Variants in SPAG16 observed in about 807,000 individuals in gnomAD.
SPAG16 encodes the protein sperm-associated antigen 16 protein.
In SPAG16, 86 loss-of-function variants were observed where a neutral mutation model predicts 80.4. The observed-to-expected ratio is 1.07, with a 90% CI of 0.90 to 1.28. The LOEUF is 1.28. SPAG16 is among the 50% of genes most tolerant of loss of function. The pLI is 0.00. For synonymous variants in SPAG16, 294 were observed against 265.9 expected (o/e 1.11, Z -1.03); for missense variants, 870 against 765.3 (o/e 1.14, Z -1.61).
At chr2:213,829,351 G>A (rs2073490280) in intron 10 of SPAG16, among the ~76,000 whole-genome samples, 1 of 152,070 alleles carries the variant, frequency 6.6e-6, no homozygotes, top group Non-Finnish European at 1.5e-5. Flanking sequence ...TCATCGGTAA[G>A]CCTGTGGTGA....
chr2:213,840,394 C>T (rs977405223), intron 10 of SPAG16, among the ~76,000 whole-genome samples: 2 of 152,092 alleles, frequency 1.3e-5, no homozygotes, highest in Non-Finnish European at 2.9e-5. Context: ...TAGAAACTTT[C>T]CCCCTCCCAC....
intron 13 of SPAG16, among the ~76,000 whole-genome samples, chr2:214,014,811 T>A (rs2047502393): frequency 6.6e-6 from 1 of 152,134 alleles, no homozygotes; most frequent in Non-Finnish European, 1.5e-5. Context: ...GGTGACATAA[T>A]CGGATTTACC....
intron 11 of SPAG16, among the ~76,000 whole-genome samples, chr2:213,889,056 G>C (rs2076676524): frequency 6.6e-6 from 1 of 151,722 alleles, no homozygotes; most frequent in African/African-American, 2.4e-5. Context: ...TTTTTTTAAA[G>C]GCCATATTGT....
At chr2:213,352,112 G>A (rs1372550205) in intron 7 of SPAG16, among the ~76,000 whole-genome samples, 1 of 151,060 alleles carries the variant, frequency 6.6e-6, no homozygotes, top group Non-Finnish European at 1.5e-5. Context: ...TAAATTTCAT[G>A]AGGACTCCCC....
chr2:213,856,138 AT>A (rs1386449560), intron 10 of SPAG16, among the ~76,000 whole-genome samples: 1 of 152,120 alleles, frequency 6.6e-6, no homozygotes, highest in Non-Finnish European at 1.5e-5. Flanking sequence ...AATGGGAGAA[AT>A]TGGCCAAAAC....
chr2:213,726,139 C>T (rs555227882), intron 10 of SPAG16, among the ~76,000 whole-genome samples: 7 of 152,214 alleles, frequency 4.6e-5, no homozygotes, highest in Non-Finnish European at 1.0e-4. Context: ...TTCACTTTGC[C>T]CACCTATGTG....
At chr2:214,109,794 T>C (rs891161610) in intron 14 of SPAG16, among the ~76,000 whole-genome samples, 6 of 152,190 alleles carry the variant, frequency 3.9e-5, no homozygotes, top group Non-Finnish European at 1.5e-5. Context: ...GAATATTTTA[T>C]TTCCAGCAGG....
intron 12 of SPAG16, among the ~76,000 whole-genome samples, chr2:213,987,639 G>A (rs926049440): frequency 2.6e-5 from 4 of 151,786 alleles, no homozygotes; most frequent in African/African-American, 7.2e-5. Flanking sequence ...CCACTTGGCC[G>A]ATATTTAATT....
chr2:213,563,195 A>AACC (rs2059651045), intron 10 of SPAG16, among the ~76,000 whole-genome samples: 1 of 152,142 alleles, frequency 6.6e-6, no homozygotes, highest in Non-Finnish European at 1.5e-5. Flanking sequence ...TATATTCATA[A>AACC]TTATAGTTTT....
At chr2:213,875,076 G>C (rs1015722352) in intron 11 of SPAG16, among the ~76,000 whole-genome samples, 2 of 151,584 alleles carry the variant, frequency 1.3e-5, no homozygotes, top group African/African-American at 4.8e-5. Context: ...ATACGACCTG[G>C]GACTACAGGC....
At chr2:213,547,053 T>G (rs2076635050) in intron 10 of SPAG16, among the ~76,000 whole-genome samples, 1 of 152,176 alleles carries the variant, frequency 6.6e-6, no homozygotes, top group African/African-American at 2.4e-5. Context: ...ATTAAAATAA[T>G]GTATTTTATT....
chr2:213,889,710 T>TAC (rs1176971312), intron 11 of SPAG16, among the ~76,000 whole-genome samples: 1 of 136,018 alleles, frequency 7.4e-6, no homozygotes, highest in African/African-American at 2.6e-5. Flanking sequence ...CACATATATA[T>TAC]ACATATGCAT....
intron 10 of SPAG16, among the ~76,000 whole-genome samples, chr2:213,807,429 C>A (rs533679610): frequency 1.5e-4 from 23 of 152,210 alleles, no homozygotes; most frequent in African/African-American, 5.5e-4. Flanking sequence ...AAGTGCCTAT[C>A]CCAGCCCACT....
intron 10 of SPAG16, among the ~76,000 whole-genome samples, chr2:213,671,021 T>A (rs1039492762): frequency 1.3e-5 from 2 of 152,224 alleles, no homozygotes; most frequent in Non-Finnish European, 2.9e-5. Context: ...TGAAAGCAAC[T>A]ATGCAAATTA....
Position 213,583,931 on chromosome 2 carries a change from G to A in SPAG16, c.1070+93841G>A, listed in dbSNP as rs145569517. On this transcript the variant is annotated intron_variant, in intron 10 of 15. Transcript: ENST00000331683. ...TAGCAATAAATTACGAACAACGTGA[G>A]TGCAGTTTCTTTCACCTACCATTTG... Among the ~76,000 whole-genome samples, 654 of 152,262 alleles carry A rather than the reference G, an allele frequency of 4.3e-3. 4 individuals are homozygous for A. Among genetic ancestry groups the A allele is most frequent in the African/African-American group, 0.015 (603 of 41,558 alleles).
intron 15 of SPAG16, among the ~76,000 whole-genome samples, chr2:214,403,199 A>G (rs1701809901): frequency 6.6e-6 from 1 of 151,792 alleles, no homozygotes; most frequent in African/African-American, 2.4e-5. Context: ...CCTCTTCTGT[A>G]AAGCAGAGTA....
chr2:213,648,257 A>T (rs1252492063), intron 10 of SPAG16, among the ~76,000 whole-genome samples: 1 of 152,188 alleles, frequency 6.6e-6, no homozygotes, highest in African/African-American at 2.4e-5. Context: ...TAACTTTGGG[A>T]ATGACTACAA....
intron 15 of SPAG16, among the ~76,000 whole-genome samples, chr2:214,381,372 G>A (rs528107743): frequency 6.6e-6 from 1 of 152,154 alleles, no homozygotes; most frequent in African/African-American, 2.4e-5. Flanking sequence ...TTTCCATGTG[G>A]GCAAGTTCTT....
At chr2:213,659,988 T>C (rs1024197926) in intron 10 of SPAG16, among the ~76,000 whole-genome samples, 1 of 152,176 alleles carries the variant, frequency 6.6e-6, no homozygotes, top group Non-Finnish European at 1.5e-5. Flanking sequence ...TTCTTTTTTT[T>C]AAGATGACTG....
Sources: gnomAD v4.1 joint callset for allele counts (sites outside exome capture counted in the v4.1 genomes callset) on GRCh38, gnomAD v4.1.1 for gene constraint, MANE v1.5 for transcripts, NCBI Gene and HGNC (gene_info 2026-07-23, HGNC 2026-07-21) for gene names.